Variants in NDUFAB1 observed in about 807,000 individuals in gnomAD.
NDUFAB1 encodes NADH:ubiquinone oxidoreductase subunit AB1, also known as acyl carrier protein, mitochondrial.
NDUFAB1 carries 5 observed loss-of-function variants against 16.1 expected under a neutral mutation model. The observed-to-expected ratio is 0.31, with a 90% confidence interval of 0.16 to 0.65. The LOEUF is 0.65. NDUFAB1 is among the 30% of genes least tolerant of loss of function. The pLI, the probability that NDUFAB1 is intolerant of heterozygous loss-of-function variation, is 0.77. For synonymous variants in NDUFAB1, 85 were observed against 78.4 expected (o/e 1.08, Z -0.44); for missense variants, 187 against 205.3 (o/e 0.91, Z 0.54).
At chr16:23,594,621 G>A (rs1567410156) in intron 1 of NDUFAB1, among the ~76,000 whole-genome samples, 1 of 151,930 alleles carries the variant, frequency 6.6e-6, no homozygotes, top group African/African-American at 2.4e-5. Flanking sequence ...CAAAGTGCTG[G>A]GATTACAGGC....
intron 1 of NDUFAB1, among the ~76,000 whole-genome samples, chr16:23,589,942 GAAAAAAAAAAAAAAA>G (rs57098255): frequency 1.4e-5 from 1 of 70,504 alleles, no homozygotes; most frequent in African/African-American, 4.5e-5. Context: ...TCTCCAAAAA[GAAAAAAAAAAAAAAA>G]AAAAAAAAGA....
At position 23,590,053 on chromosome 16, in the gene NDUFAB1, A is replaced by C. The variant is rs149734941; in HGVS notation, c.169-2734T>G. On this transcript the variant is annotated intron_variant, in intron 1 of 4. Transcript: ENST00000007516. ...AGTGGAAGGATCGCTTGAGCCCAGG[A>C]GTTCCAGACCAACCTGGGCAACAAA... is the stretch of plus-strand genomic sequence containing the variant. Among the ~76,000 whole-genome samples the C allele has an allele frequency of 7.9e-5, 12 of 152,104 alleles. No individual in the cohort carries two copies. In the East Asian group the frequency reaches 2.3e-3, roughly 29 times the overall value.
intron 1 of NDUFAB1, among the ~76,000 whole-genome samples, 154 bp from the exon 2 acceptor site, chr16:23,587,473 C>A (rs1966243764): frequency 6.6e-6 from 1 of 152,226 alleles, no homozygotes. Flanking sequence ...CACTAAGTTG[C>A]AGGACTGGGT....
intron 3 of NDUFAB1, among the ~76,000 whole-genome samples, chr16:23,582,828 C>G (rs1222022982): frequency 6.6e-6 from 1 of 151,580 alleles, no homozygotes; most frequent in Non-Finnish European, 1.5e-5. Flanking sequence ...CTCTCCCTCT[C>G]CCTCTCCCTC....
chr16:23,582,167 G>C, intron 4 of NDUFAB1, 109 bp downstream of exon 4: 3 of 1,284,710 alleles, frequency 2.3e-6, no homozygotes, highest in Non-Finnish European at 3.0e-6. Context: ...TTTATAAGTA[G>C]TGAAAAATCT....
At chr16:23,584,815 C>T (rs1326131078) in intron 3 of NDUFAB1, among the ~76,000 whole-genome samples, 1 of 152,198 alleles carries the variant, frequency 6.6e-6, no homozygotes, top group Non-Finnish European at 1.5e-5. Context: ...CCTATTCAGC[C>T]AACTCACGCA....
chr16:23,585,529 T>C (rs1966225084), intron 2 of NDUFAB1, 106 bp from the exon 3 acceptor site: 1 of 760,256 alleles, frequency 1.3e-6, no homozygotes, highest in South Asian at 1.5e-5. Flanking sequence ...GAATTTATTA[T>C]ACTTTAAGTT....
At chr16:23,592,909 C>T (rs1173740430) in intron 1 of NDUFAB1, among the ~76,000 whole-genome samples, 2 of 152,092 alleles carry the variant, frequency 1.3e-5, no homozygotes, top group Admixed American at 6.6e-5. Context: ...GGACTGGAGG[C>T]GGAGGTCTGG....
chr16:23,591,757 C>T (rs140228045), intron 1 of NDUFAB1, among the ~76,000 whole-genome samples: 1 of 152,368 alleles, frequency 6.6e-6, no homozygotes, highest in African/African-American at 2.4e-5. Flanking sequence ...AAGTGCCAGG[C>T]TCTTCCTGGC....
At chr16:23,594,650 C>T (rs931678447) in intron 1 of NDUFAB1, among the ~76,000 whole-genome samples, 1 of 151,822 alleles carries the variant, frequency 6.6e-6, no homozygotes, top group Non-Finnish European at 1.5e-5. Flanking sequence ...CCGCGCCCGG[C>T]CTAATTTCTG....
At chr16:23,587,965 G>C (rs1966247643) in intron 1 of NDUFAB1, among the ~76,000 whole-genome samples, 1 of 152,252 alleles carries the variant, frequency 6.6e-6, no homozygotes, top group Non-Finnish European at 1.5e-5. Context: ...TCTGGCCTGT[G>C]CCATGTTAGA....
rs547053290 is a variant in NDUFAB1 at position 23,581,452 on chromosome 16, C to T, written c.*9-279G>A. Among the ~76,000 whole-genome samples, 14 of 151,334 alleles carry T rather than the reference C, an allele frequency of 9.3e-5. No individual in the cohort carries two copies. In the South Asian group the frequency reaches 2.5e-3, roughly 27 times the overall value. ...TCCCAGTTACTCAGGAGGCTGAGGC[C>T]GGAGAATTGCTTGAACCCAGGAGGC... On this transcript the variant is annotated intron_variant, in intron 4 of 4. Transcript: ENST00000007516.
chr16:23,591,180 CA>C (rs1433129394), intron 1 of NDUFAB1: 1 of 151,834 alleles, frequency 6.6e-6, no homozygotes, highest in East Asian at 1.9e-4. Flanking sequence ...AAAAGGGATA[CA>C]AAATGGACAA....
At chr16:23,595,803 TGCTACTCC>T (rs1381376857) in intron 1 of NDUFAB1, among the ~76,000 whole-genome samples, 1 of 152,204 alleles carries the variant, frequency 6.6e-6, no homozygotes, top group African/African-American at 2.4e-5. Context: ...TAATCCTCAT[TGCTACTCC>T]GCAAGGTAGA....
At chr16:23,588,692 G>A (rs446056) in intron 1 of NDUFAB1, among the ~76,000 whole-genome samples, 16,300 of 152,012 alleles carry the variant, frequency 0.11, 1,059 homozygotes, top group African/African-American at 0.18. Flanking sequence ...TAAAGAACAG[G>A]TATTGGGCCG....
rs867126567 is a variant in NDUFAB1, at chr16:23,595,429, G to A, written c.168+694C>T. ...TATACCCAAATCCCCGCACACTCAC[G>A]TCCCGCAGTCAGCCTTGCAGAATCC... is the stretch of plus-strand genomic sequence containing the variant. On this transcript the variant is annotated intron_variant, in intron 1 of 4. Coordinates refer to ENST00000007516, the MANE Select transcript of NDUFAB1 (RefSeq NM_005003.3). The A allele has an allele frequency of 2.4e-5, 9 of 382,508 alleles. No individual in the cohort carries two copies. The Middle Eastern group carries it at 3.9e-3, about 165-fold the overall frequency. 23.7% of individuals were successfully genotyped at this position (382,508 alleles called of 1,614,324 possible). A position where few individuals can be genotyped will look rare whatever the true frequency, so the allele number is the denominator to read the frequency against.
At chr16:23,588,905 A>C (rs1966255360) in intron 1 of NDUFAB1, among the ~76,000 whole-genome samples, 1 of 151,480 alleles carries the variant, frequency 6.6e-6, no homozygotes, top group Non-Finnish European at 1.5e-5. Flanking sequence ...TTGAACCCAG[A>C]CAGAGGTTGC....
intron 1 of NDUFAB1, among the ~76,000 whole-genome samples, chr16:23,590,614 C>T (rs1966271262): frequency 6.6e-6 from 1 of 150,456 alleles, no homozygotes; most frequent in South Asian, 2.1e-4. Context: ...TCCTACTACC[C>T]TCTCATGCTC....
intron 3 of NDUFAB1, among the ~76,000 whole-genome samples, chr16:23,584,268 A>AAAAAAAAAAAAAAAAAAAAC (rs1966213615): frequency 7.3e-6 from 1 of 137,490 alleles, no homozygotes; most frequent in Non-Finnish European, 1.6e-5. Flanking sequence ...AAAAAAAAAA[A>AAAAAAAAAAAAAAAAAAAAC]AAAAAAGAAA....
Sources: allele counts gnomAD v4.1 joint callset (sites outside exome capture counted in the v4.1 genomes callset), GRCh38; gene constraint gnomAD v4.1.1; transcripts MANE v1.5; gene names NCBI Gene and HGNC (gene_info 2026-07-23, HGNC 2026-07-21).